CDH13: variants seen among roughly 807,000 people sequenced by gnomAD.
The protein encoded by CDH13 is cadherin-13.
CDH13 carries 24 observed loss-of-function variants against 63.8 expected under a neutral mutation model. That is an observed-to-expected ratio of 0.38 (90% CI 0.27 to 0.53). The LOEUF is 0.53. CDH13 is among the 20% of genes least tolerant of loss of function. The pLI is 0.85. For synonymous variants in CDH13, 503 were observed against 355.3 expected (o/e 1.42, Z -4.67); for missense variants, 1,049 against 903.1 (o/e 1.16, Z -2.07).
At chr16:82,869,073 G>C (rs774514271) in intron 2 of CDH13, among the ~76,000 whole-genome samples, 5 of 152,170 alleles carry the variant, frequency 3.3e-5, no homozygotes, top group Non-Finnish European at 7.3e-5. Context: ...TTGAGATGGA[G>C]TCTCTCCCTG....
At chr16:83,657,439 G>A (rs1042772587) in intron 8 of CDH13, among the ~76,000 whole-genome samples, 1 of 152,172 alleles carries the variant, frequency 6.6e-6, no homozygotes, top group Non-Finnish European at 1.5e-5. Flanking sequence ...GAATCCCACT[G>A]AGTTCCTAGT....
intron 2 of CDH13, among the ~76,000 whole-genome samples, chr16:82,907,312 C>A (rs74029999): frequency 7.9e-5 from 12 of 152,034 alleles, no homozygotes; most frequent in African/African-American, 2.9e-4. Flanking sequence ...TCCTCTTTAC[C>A]CCTCACTAGG....
At chr16:83,103,477 C>T (rs2034613199) in intron 3 of CDH13, among the ~76,000 whole-genome samples, 1 of 151,936 alleles carries the variant, frequency 6.6e-6, no homozygotes, top group African/African-American at 2.4e-5. Context: ...AACTCCTGAC[C>T]TCAAGTGATC....
intron 2 of CDH13, among the ~76,000 whole-genome samples, chr16:82,960,731 C>T (rs1906843102): frequency 1.3e-5 from 2 of 152,046 alleles, no homozygotes; most frequent in Non-Finnish European, 2.9e-5. Context: ...TTTCTGATAT[C>T]TTCTAGGGAA....
intron 3 of CDH13, among the ~76,000 whole-genome samples, chr16:83,089,185 G>C (rs940434381): frequency 3.9e-5 from 6 of 152,208 alleles, no homozygotes; most frequent in Non-Finnish European, 8.8e-5. Context: ...TACAGATGTA[G>C]AGGATCAGGC....
intron 1 of CDH13, among the ~76,000 whole-genome samples, chr16:82,802,113 CCT>C (rs34640431): frequency 0.41 from 61,545 of 150,730 alleles, 14,128 homozygotes; most frequent in African/African-American, 0.64. Flanking sequence ...CTATCATCTC[CCT>C]CTCATTGGTT....
intron 6 of CDH13, among the ~76,000 whole-genome samples, chr16:83,349,971 A>T (rs548640023): frequency 2.6e-5 from 4 of 152,298 alleles, no homozygotes; most frequent in Admixed American, 6.5e-5. Context: ...GAGCTCAAGG[A>T]AATGACATTA....
chr16:83,519,079 C>G (rs888254699), intron 7 of CDH13, among the ~76,000 whole-genome samples: 1 of 152,130 alleles, frequency 6.6e-6, no homozygotes. Context: ...GTTCTTTGTC[C>G]GTAGCCTGGA....
In CDH13 at chr16:83,403,493, C is replaced by T. The variant is rs191927497; in HGVS notation, c.781+58487C>T. Among the ~76,000 whole-genome samples, 40 of 152,106 alleles carry T rather than the reference C, an allele frequency of 2.6e-4. No homozygotes were observed. The East Asian group carries it at 3.9e-3, about 15-fold the overall frequency. On this transcript the variant is annotated intron_variant, in intron 6 of 13. Coordinates refer to ENST00000567109, the MANE Select transcript of CDH13 (RefSeq NM_001257.5). ...AAAAAATTAGCCAGGTGTGGTCGCG[C>T]GCGCCTGTAGTCCCAGCCACTCAGG...
At position 83,258,106 on chromosome 16, in the gene CDH13, A is replaced by G. The variant is rs1906512135; in HGVS notation, c.636+40609A>G. Among the ~76,000 whole-genome samples, 3 of 152,346 alleles carry G rather than the reference A, an allele frequency of 2.0e-5. No homozygotes were observed. The South Asian group carries it at 6.2e-4, about 32-fold the overall frequency. On this transcript the variant is annotated intron_variant, in intron 5 of 13. Coordinates refer to ENST00000567109, the MANE Select transcript of CDH13 (RefSeq NM_001257.5). Reference sequence around the variant, plus strand: ...ACTGAGTCTTTATAAGCAAGTATAAATTAGTGGTTATTTGGGGGCTATTTC... The same window carrying G: ...ACTGAGTCTTTATAAGCAAGTATAAGTTAGTGGTTATTTGGGGGCTATTTC...
At chr16:82,719,491 T>C in intron 1 of CDH13, 2 of 454,654 alleles carry the variant, frequency 4.4e-6, no homozygotes, top group East Asian at 7.0e-5. Context: ...TTACATGAGA[T>C]GTGAAGGCAG....
At chr16:83,099,886 T>C (rs72798329) in intron 3 of CDH13, among the ~76,000 whole-genome samples, 8,605 of 152,234 alleles carry the variant, frequency 0.057, 291 homozygotes, top group Non-Finnish European at 0.072. Flanking sequence ...TTATCGCTGC[T>C]GTTTTATGCT....
At position 82,683,595 on chromosome 16, in the gene CDH13, G is replaced by T. The variant is rs114775024; in HGVS notation, c.45+56458G>T. Among the ~76,000 whole-genome samples, 80 of 152,320 alleles carry T rather than the reference G, an allele frequency of 5.3e-4. 1 individual carries two copies. The highest frequency in any genetic ancestry group is 1.7e-3 in the African/African-American group (72 of 41,572). On this transcript the variant is annotated intron_variant, in intron 1 of 13. Transcript: ENST00000567109. ...CCAGAAGGACCAGCAGCTCTCAAGG[G>T]GTAAGAGAATAAGGAATCATGTGAG...
intron 4 of CDH13, among the ~76,000 whole-genome samples, chr16:83,216,443 T>TATATATATACAC (rs1472700247): frequency 4.3e-5 from 4 of 93,434 alleles, no homozygotes; most frequent in African/African-American, 1.6e-4. Flanking sequence ...TATATATATA[T>TATATATATACAC]ACACAACCCT....
chr16:83,508,030 C>T (rs1028854942), intron 7 of CDH13, among the ~76,000 whole-genome samples: 18 of 110,064 alleles, frequency 1.6e-4, no homozygotes, highest in Admixed American at 1.6e-3. Context: ...AACATTCGGT[C>T]GAAAGAAAGA....
intron 4 of CDH13, among the ~76,000 whole-genome samples, chr16:83,139,534 G>A (rs2036440951): frequency 6.6e-6 from 1 of 152,120 alleles, no homozygotes; most frequent in South Asian, 2.1e-4. Context: ...TTGACAACTT[G>A]AAATTCATCA....
chr16:83,182,869 C>G (rs8059438), intron 4 of CDH13, among the ~76,000 whole-genome samples: 1 of 152,010 alleles, frequency 6.6e-6, no homozygotes, highest in Admixed American at 6.6e-5. Flanking sequence ...TTATCACATA[C>G]TTAAAGGCAT....
At chr16:83,753,429 C>T (rs1162615386) in intron 11 of CDH13, among the ~76,000 whole-genome samples, 1 of 152,070 alleles carries the variant, frequency 6.6e-6, no homozygotes, top group Non-Finnish European at 1.5e-5. Flanking sequence ...CTTGTAGTCC[C>T]AGCTACTCAG....
intron 10 of CDH13, among the ~76,000 whole-genome samples, chr16:83,724,706 T>G (rs1910173038): frequency 6.6e-6 from 1 of 152,180 alleles, no homozygotes; most frequent in Admixed American, 6.5e-5. Context: ...CCTAGACACC[T>G]GTATCCTTAC....
Sources: allele counts gnomAD v4.1 joint callset (sites outside exome capture counted in the v4.1 genomes callset), GRCh38; gene constraint gnomAD v4.1.1; transcripts MANE v1.5; gene names NCBI Gene and HGNC (gene_info 2026-07-23, HGNC 2026-07-21).